The following OR6Y1 variants were observed in gnomAD, a reference collection of about 807,000 sequenced individuals.
OR6Y1 encodes the protein olfactory receptor 6Y1.
Under a neutral mutation model 0.4 loss-of-function variants are expected in OR6Y1, and 1 was observed. The ratio of observed to expected loss-of-function variants is 2.74; its 90% confidence interval spans 0.97 to 13.02. The LOEUF is 13.02. Among genes scored for constraint, OR6Y1 ranks in the 30% most tolerant of loss-of-function variants. OR6Y1 has a pLI of 0.12. For missense variants in OR6Y1, 480 were observed against 399.8 expected (o/e 1.20, Z -1.71); for synonymous variants, 173 against 141.1 (o/e 1.23, Z -1.60).
chr1:158,553,712 A>G (rs1431094335), intron 1 of OR6Y1, among the ~76,000 whole-genome samples: 1 of 152,062 alleles, frequency 6.6e-6, no homozygotes, highest in Non-Finnish European at 1.5e-5. Flanking sequence ...CTTCTCGCAT[A>G]CATGTATTCA....
At position 158,547,562 on chromosome 1, in the gene OR6Y1, A is replaced by G; in HGVS notation, c.544T>C (p.Tyr182His). The G allele has an allele frequency of 6.2e-7, 1 of 1,613,150 alleles. No individual in the cohort carries two copies. The highest frequency in any genetic ancestry group is 8.5e-7 in the Non-Finnish European group (1 of 1,179,784). ...AGGAGTGGAGAGATATCACAAAAGTAGTGATTGATCTGAGGCATGCCACAG... is the reference window on the plus strand; with the variant it reads ...AGGAGTGGAGAGATATCACAAAAGTGGTGATTGATCTGAGGCATGCCACAG... Reference protein sequence around the residue: ...HYCGMPQINHYFCDISPLLNV... With the variant: ...HYCGMPQINHHFCDISPLLNV... The change falls in exon 2 of 2, where the codon TAC (tyrosine) becomes CAC (histidine). Residue 182 changes from tyrosine (Y) to histidine (H), a missense_variant. Coordinates refer to ENST00000641622, the MANE Select transcript of OR6Y1 (RefSeq NM_001005189.2).
chr1:158,551,836 G>A (rs1647712469), intron 1 of OR6Y1, among the ~76,000 whole-genome samples: 1 of 151,044 alleles, frequency 6.6e-6, no homozygotes, highest in South Asian at 2.1e-4. Context: ...GGACTGCAAA[G>A]AACCTGAGAG....
intron 1 of OR6Y1, among the ~76,000 whole-genome samples, chr1:158,551,357 G>C (rs1553215778): frequency 6.6e-6 from 1 of 151,626 alleles, no homozygotes; most frequent in Non-Finnish European, 1.5e-5. Flanking sequence ...TGAAATAATA[G>C]CATTTTAAAA....
Position 158,548,180 on chromosome 1 carries a change from GA to G in OR6Y1, c.-76del. Reference sequence around the variant, plus strand: ...TAGTCTATGGTTATTTGTATTGATAGAGCCCACCACCAGCAAATTTATCACA... The same window carrying G: ...TAGTCTATGGTTATTTGTATTGATAGGCCCACCACCAGCAAATTTATCACA... On this transcript the variant is annotated 5_prime_UTR_variant, in exon 2 of 2. Transcript: ENST00000641622. 2.7e-6 allele frequency: 4 copies of G among 1,459,328 alleles called. No homozygotes were observed. In the South Asian group the frequency reaches 5.4e-5, roughly 20 times the overall value. 90.4% of individuals were successfully genotyped at this position (1,459,328 alleles called of 1,614,324 possible).
chr1:158,547,711 C>A lies in OR6Y1; in HGVS notation c.395G>T (p.Cys132Phe). 1 of 1,613,472 alleles carries A rather than the reference C, an allele frequency of 6.2e-7. No homozygotes were observed. Residue 132 changes from cysteine (C) to phenylalanine (F), a missense_variant, in exon 2 of 2, where the codon TGT becomes TTT. Cys to Phe is a radical substitution (Grantham distance 205). Transcript: ENST00000641622. ...GATGACTGGGTAGCGTAGTGGATTACAAATGGCTACATAGCGGTCAAAGGC... is the reference window on the plus strand; with the variant it reads ...GATGACTGGGTAGCGTAGTGGATTAAAAATGGCTACATAGCGGTCAAAGGC... ...IMAFDRYVAI[C>F]NPLRYPVIMT...
chr1:158,548,347 A>G lies in OR6Y1; in HGVS notation c.-242T>C, dbSNP rs1647611394. The G allele has an allele frequency of 4.4e-6, 2 of 454,762 alleles. No individual in the cohort carries two copies. Among genetic ancestry groups the G allele is most frequent in the Non-Finnish European group, 7.8e-6 (2 of 257,730 alleles). The allele number at this position is 454,762 out of a possible 1,614,324, so 28.2% of individuals were successfully genotyped here. ...CAAGAGCAGTAACTTGTCCAAGGTC[A>G]TACAAAATAGAGTTTATAACTTTCT... is the stretch of plus-strand genomic sequence containing the variant. On this transcript the variant is annotated 5_prime_UTR_variant, in exon 2 of 2. It removes an upstream start codon present in the reference 5' UTR. Coordinates refer to ENST00000641622, the MANE Select transcript of OR6Y1 (RefSeq NM_001005189.2).
At chr1:158,549,835 AT>A (rs35638920) in intron 1 of OR6Y1, among the ~76,000 whole-genome samples, 74,287 of 151,182 alleles carry the variant, frequency 0.49, 18,739 homozygotes, top group East Asian at 0.58. Flanking sequence ...ATTTAAAAAA[AT>A]ATCTTTGAGT....
rs1393424765 is a variant in OR6Y1 at position 158,548,520 on chromosome 1, T to C, written c.-415A>G. 1 of 168,152 alleles carries C rather than the reference T, an allele frequency of 5.9e-6. No homozygotes were observed. Among genetic ancestry groups the C allele is most frequent in the African/African-American group, 2.4e-5 (1 of 41,214 alleles). 10.4% of individuals were successfully genotyped at this position (168,152 alleles called of 1,614,324 possible). A position where few individuals can be genotyped will look rare whatever the true frequency, so the allele number is the denominator to read the frequency against. On this transcript the variant is annotated 5_prime_UTR_variant, in exon 2 of 2. Transcript: ENST00000641622. ...AACTACCCATTCTCTAGGGGCAATT[T>C]GGGTGACTCTGGAGTGGTTGCATGA...
chr1:158,554,073 T>A (rs112291762), intron 1 of OR6Y1, among the ~76,000 whole-genome samples, 193 bp downstream of exon 1: 2 of 152,376 alleles, frequency 1.3e-5, no homozygotes, highest in African/African-American at 4.8e-5. Flanking sequence ...TATAACTTGT[T>A]GTATCACTAC....
chr1:158,551,336 G>A (rs918602440), intron 1 of OR6Y1, among the ~76,000 whole-genome samples: 1 of 151,656 alleles, frequency 6.6e-6, no homozygotes, highest in Non-Finnish European at 1.5e-5. Context: ...ACACATTGTG[G>A]ACTTGTCTCA....
rs1647555865 is a variant in OR6Y1, at chr1:158,547,036, T to C, written c.*92A>G. ...ACAGAGGAGAGCAGTGTTACAGTAC[T>C]GGAGATTGGGGGATAACCAAAGACA... On this transcript the variant is annotated 3_prime_UTR_variant, in exon 2 of 2. Transcript: ENST00000641622. The C allele has an allele frequency of 8.1e-6, 10 of 1,239,598 alleles. No homozygotes were observed. The highest frequency in any genetic ancestry group is 2.3e-5 in the East Asian group (1 of 43,094). 76.8% of individuals were successfully genotyped at this position (1,239,598 alleles called of 1,614,324 possible).
At chr1:158,552,150 A>T (rs1647718654) in intron 1 of OR6Y1, among the ~76,000 whole-genome samples, 1 of 149,944 alleles carries the variant, frequency 6.7e-6, no homozygotes, top group South Asian at 2.1e-4. Context: ...TGCCCCCCTC[A>T]TCACCCCCAT....
chr1:158,550,067 T>C (rs1292134998), intron 1 of OR6Y1, among the ~76,000 whole-genome samples: 2 of 151,790 alleles, frequency 1.3e-5, no homozygotes, highest in Non-Finnish European at 2.9e-5. Flanking sequence ...TTTGTGTCTA[T>C]TTTTTAAAAA....
rs905520022 is a variant in OR6Y1 at position 158,545,743 on chromosome 1, G to T, written c.*1385C>A. 2.0e-5 allele frequency: 3 copies of T among 152,096 alleles called. No homozygotes were observed. Among genetic ancestry groups the T allele is most frequent in the Admixed American group, 1.3e-4 (2 of 15,268 alleles). The allele number at this position is 152,096 out of a possible 1,614,324, so 9.4% of individuals were successfully genotyped here. On this transcript the variant is annotated 3_prime_UTR_variant, in exon 2 of 2. Transcript: ENST00000641622. Reference sequence around the variant, plus strand: ...CAAAAATGTTTTCATTCTGTAGGTTGTTTGTTCACTCTGTTGATAATTTCT... The same window carrying T: ...CAAAAATGTTTTCATTCTGTAGGTTTTTTGTTCACTCTGTTGATAATTTCT...
At position 158,544,896 on chromosome 1, in the gene OR6Y1, A is replaced by T. The variant is rs1280427041; in HGVS notation, c.*2232T>A. ...TTTTTTTATGGCTGCATAGTATTTCATGTTGTATATGTAGCACATTTTCTT... is the reference window on the plus strand; with the variant it reads ...TTTTTTTATGGCTGCATAGTATTTCTTGTTGTATATGTAGCACATTTTCTT... On this transcript the variant is annotated 3_prime_UTR_variant, in exon 2 of 2. Coordinates refer to ENST00000641622, the MANE Select transcript of OR6Y1 (RefSeq NM_001005189.2). The T allele has an allele frequency of 6.6e-6, 1 of 152,130 alleles. No individual in the cohort carries two copies. Among genetic ancestry groups the T allele is most frequent in the Non-Finnish European group, 1.5e-5 (1 of 68,024 alleles). 9.4% of individuals were successfully genotyped at this position (152,130 alleles called of 1,614,324 possible).
chr1:158,547,471 A>G lies in OR6Y1; in HGVS notation c.635T>C (p.Ile212Thr). The change falls in exon 2 of 2, where the codon ATT becomes ACT. Residue 212 changes from isoleucine (I) to threonine (T), a missense_variant. Coordinates refer to ENST00000641622, the MANE Select transcript of OR6Y1 (RefSeq NM_001005189.2). ...MVDFFLALMV[I>T]AIPLCVVVAS... ...CACCACAACACAAAGAGGAATAGCA[A>G]TGACCATGAGGGCCAAGAAGAAGTC... 2 of 1,613,600 alleles carry G rather than the reference A, an allele frequency of 1.2e-6. No homozygotes were observed. The highest frequency in any genetic ancestry group is 1.7e-6 in the Non-Finnish European group (2 of 1,179,998).
chr1:158,549,437 T>G lies in OR6Y1; in HGVS notation c.-1332A>C, dbSNP rs77627486. ...ATATGTAGGACAACTAGGGGATGGT[T>G]TTTTTTTTTTTTTAAGGAATGATCA... On this transcript the variant is annotated 5_prime_UTR_variant, in exon 2 of 2. Coordinates refer to ENST00000641622, the MANE Select transcript of OR6Y1 (RefSeq NM_001005189.2). 6 of 130,576 alleles carry G rather than the reference T, an allele frequency of 4.6e-5. No individual in the cohort carries two copies. The highest frequency in any genetic ancestry group is 1.7e-4 in the African/African-American group (5 of 30,300). 8.1% of individuals were successfully genotyped at this position (130,576 alleles called of 1,614,324 possible).
intron 1 of OR6Y1, among the ~76,000 whole-genome samples, chr1:158,553,825 TG>T (rs1391322950): frequency 6.6e-6 from 1 of 152,176 alleles, no homozygotes; most frequent in African/African-American, 2.4e-5. Context: ...AAGGCAGAGT[TG>T]GGCAGATGCA....
intron 1 of OR6Y1, among the ~76,000 whole-genome samples, chr1:158,552,248 A>ATG (rs969267680): frequency 9.4e-5 from 14 of 149,094 alleles, no homozygotes; most frequent in Non-Finnish European, 1.6e-4. Flanking sequence ...ATGTATATAT[A>ATG]TATATATATA....
Sources: allele counts gnomAD v4.1 joint callset (sites outside exome capture counted in the v4.1 genomes callset), GRCh38; gene constraint gnomAD v4.1.1; transcripts MANE v1.5; gene names NCBI Gene and HGNC (gene_info 2026-07-23, HGNC 2026-07-21).